LRRC7: variants seen among roughly 807,000 people sequenced by gnomAD.
LRRC7 encodes leucine rich repeat containing 7.
In LRRC7, 23 loss-of-function variants were observed where a neutral mutation model predicts 175.7. The ratio of observed to expected loss-of-function variants is 0.13; its 90% CI spans 0.09 to 0.19. The LOEUF is 0.19. LRRC7 is among the 10% of genes least tolerant of loss of function. LRRC7 has a pLI of 1.00. For synonymous variants in LRRC7, 685 were observed against 680.9 expected, an observed-to-expected ratio of 1.01 and a Z score of -0.09; for missense variants, 1,354 against 1,904.7, an observed-to-expected ratio of 0.71 and a Z score of 5.38.
At chr1:70,074,157 G>A (rs1376946340) in intron 23 of LRRC7, among the ~76,000 whole-genome samples, 4 of 150,856 alleles carry the variant, frequency 2.7e-5, no homozygotes, top group Admixed American at 6.6e-5. Flanking sequence ...CACCAAGATC[G>A]TGCCACTGCA....
At position 70,144,302 on chromosome 1, in the gene LRRC7, G is replaced by GTGTT. The variant is rs1005143904; in HGVS notation, c.*22417_*22420dup. ...CTCAACTTTTTCAGTATTTAAAAAA[G>GTGTT]TGTTTTGAATAACATAAAAGTCTCC... is the stretch of plus-strand genomic sequence containing the variant. On this transcript the variant is annotated 3_prime_UTR_variant, in exon 27 of 27. Transcript: ENST00000651989. 2 of 152,066 alleles carry GTGTT rather than the reference G, an allele frequency of 1.3e-5. No individual in the cohort carries two copies. The highest frequency in any genetic ancestry group is 1.5e-5 in the Non-Finnish European group (1 of 68,010). 9.4% of individuals were successfully genotyped at this position (152,066 alleles called of 1,614,324 possible).
At chr1:69,575,692 TA>T (rs1645916965) in intron 1 of LRRC7, among the ~76,000 whole-genome samples, 1 of 152,162 alleles carries the variant, frequency 6.6e-6, no homozygotes, top group Admixed American at 6.6e-5. Context: ...TAATGCCAGC[TA>T]AATGAATGTT....
chr1:69,575,517 C>G (rs1036590633), intron 1 of LRRC7, among the ~76,000 whole-genome samples: 1 of 152,096 alleles, frequency 6.6e-6, no homozygotes, highest in Non-Finnish European at 1.5e-5. Flanking sequence ...GACTCCTATG[C>G]TATAAATTTA....
intron 26 of LRRC7, among the ~76,000 whole-genome samples, chr1:70,120,617 TATTA>T (rs1285577437): frequency 6.6e-6 from 1 of 152,128 alleles, no homozygotes; most frequent in African/African-American, 2.4e-5. Flanking sequence ...TTATCTGAAA[TATTA>T]ATCATATTTT....
chr1:70,021,765 T>A (rs1185612414), intron 16 of LRRC7, among the ~76,000 whole-genome samples: 1 of 152,218 alleles, frequency 6.6e-6, no homozygotes, highest in Non-Finnish European at 1.5e-5. Flanking sequence ...CAAGATTGAA[T>A]TTTAAAATAT....
chr1:70,020,715 A>ATAT, intron 15 of LRRC7: 1 of 182,694 alleles, frequency 5.5e-6, no homozygotes, highest in Admixed American at 5.8e-5. Context: ...CTAACTCTCT[A>ATAT]TATTATTATT....
chr1:70,067,365 C>T (rs1662055727), intron 23 of LRRC7, among the ~76,000 whole-genome samples: 2 of 152,058 alleles, frequency 1.3e-5, no homozygotes, highest in Non-Finnish European at 2.9e-5. Flanking sequence ...ACTGGGCCAG[C>T]ACCATCTGTT....
intron 3 of LRRC7, among the ~76,000 whole-genome samples, chr1:69,775,109 A>G (rs1237047839): frequency 6.6e-6 from 1 of 152,176 alleles, no homozygotes. Context: ...TTGACAATAT[A>G]ATAGCACTTC....
At chr1:70,092,373 A>G (rs1571302906) in intron 25 of LRRC7, among the ~76,000 whole-genome samples, 1 of 152,184 alleles carries the variant, frequency 6.6e-6, no homozygotes, top group East Asian at 1.9e-4. Flanking sequence ...TATGATACAT[A>G]CTCTCTTCAA....
intron 4 of LRRC7, among the ~76,000 whole-genome samples, chr1:69,796,520 C>T (rs567868568): frequency 1.8e-4 from 28 of 152,276 alleles, no homozygotes; most frequent in African/African-American, 6.7e-4. Context: ...TGCAGTGGCT[C>T]ACGCCTGTAA....
chr1:69,569,353 T>C lies in LRRC7; in HGVS notation c.2+712T>C, dbSNP rs566631936. ...ACAACTCCTGCCCACACATCTCCTTTGTGTGGCACGAGAAGCTGGTGAACC... is the reference window on the plus strand; with the variant it reads ...ACAACTCCTGCCCACACATCTCCTTCGTGTGGCACGAGAAGCTGGTGAACC... On this transcript the variant is annotated intron_variant, in intron 1 of 26. Coordinates refer to ENST00000651989, the MANE Select transcript of LRRC7 (RefSeq NM_001370785.2). Among the ~76,000 whole-genome samples, 6 of 152,098 alleles carry C rather than the reference T, an allele frequency of 3.9e-5. No homozygotes were observed. In the East Asian group the frequency reaches 1.2e-3, roughly 30 times the overall value.
At chr1:69,608,717 A>C (rs906782506) in intron 1 of LRRC7, among the ~76,000 whole-genome samples, 38 of 151,606 alleles carry the variant, frequency 2.5e-4, no homozygotes, top group African/African-American at 8.7e-4. Context: ...CAAGAGATGT[A>C]AGAACTCTGA....
intron 1 of LRRC7, among the ~76,000 whole-genome samples, chr1:69,650,016 C>T (rs1372941714): frequency 6.6e-6 from 1 of 152,074 alleles, no homozygotes; most frequent in East Asian, 1.9e-4. Flanking sequence ...GTTAGAGAAT[C>T]CATCAATGTT....
intron 23 of LRRC7, among the ~76,000 whole-genome samples, chr1:70,067,794 C>T (rs561271106): frequency 7.1e-4 from 108 of 152,162 alleles, no homozygotes; most frequent in African/African-American, 2.5e-3. Context: ...TCTTCATCAG[C>T]ATGTAAGTAT....
chr1:69,839,100 G>A (rs1681446652), intron 7 of LRRC7: 2 of 276,734 alleles, frequency 7.2e-6, no homozygotes, highest in African/African-American at 2.3e-5. Context: ...AAACATTTCA[G>A]TAGGACTTAG....
At chr1:69,621,669 G>C (rs1345080666) in intron 1 of LRRC7, among the ~76,000 whole-genome samples, 11 of 151,980 alleles carry the variant, frequency 7.2e-5, no homozygotes, top group Admixed American at 6.6e-5. Flanking sequence ...ATATTTATTT[G>C]TGAAAGTATG....
chr1:69,838,274 C>T lies in LRRC7; in HGVS notation c.638C>T (p.Thr213Ile). 2 of 1,607,372 alleles carry T rather than the reference C, an allele frequency of 1.2e-6. No individual in the cohort carries two copies. Among genetic ancestry groups the T allele is most frequent in the Non-Finnish European group, 1.7e-6 (2 of 1,175,128 alleles). The change falls in exon 7 of 27, where the codon ACT becomes ATT. Residue 213 changes from threonine to isoleucine, a missense_variant. By Grantham distance (89) the Thr-to-Ile change is moderately conservative. Transcript: ENST00000651989. ...GAGTTAAGAGAAAATCACTTGAAAACTCTACCAAAGTAAGTGACTGTGTAT... is the reference window on the plus strand; with the variant it reads ...GAGTTAAGAGAAAATCACTTGAAAATTCTACCAAAGTAAGTGACTGTGTAT... ...ILELRENHLK[T>I]LPKSMHKLAQ...
At chr1:69,829,639 T>C (rs1401237253) in intron 5 of LRRC7, among the ~76,000 whole-genome samples, 1 of 151,844 alleles carries the variant, frequency 6.6e-6, no homozygotes, top group East Asian at 1.9e-4. Flanking sequence ...GAATGAATTA[T>C]TTGCTAATTT....
intron 1 of LRRC7, among the ~76,000 whole-genome samples, chr1:69,665,074 A>G (rs1342326053): frequency 6.6e-6 from 1 of 152,058 alleles, no homozygotes; most frequent in East Asian, 1.9e-4. Flanking sequence ...CCTTTCCCCA[A>G]TGTGTGTTCA....
Sources: allele counts gnomAD v4.1 joint callset (sites outside exome capture counted in the v4.1 genomes callset), GRCh38; gene constraint gnomAD v4.1.1; transcripts MANE v1.5; gene names NCBI Gene and HGNC (gene_info 2026-07-23, HGNC 2026-07-21).